Variants in TEAD1 observed in about 807,000 individuals in gnomAD.
The protein encoded by TEAD1 is transcriptional enhancer factor TEF-1.
In TEAD1, 9 loss-of-function variants were observed where a neutral mutation model predicts 54.9. That is an observed-to-expected ratio of 0.16 (90% CI 0.10 to 0.29). TEAD1 has a LOEUF of 0.29. TEAD1 is among the 10% of genes least tolerant of loss of function. The pLI is 1.00. For missense variants in TEAD1, 387 were observed against 535.9 expected (o/e 0.72, Z 2.74); for synonymous variants, 200 against 187.8 (o/e 1.07, Z -0.53).
intron 3 of TEAD1, among the ~76,000 whole-genome samples, chr11:12,857,445 C>T (rs1947411048): frequency 6.6e-6 from 1 of 152,128 alleles, no homozygotes; most frequent in Admixed American, 6.5e-5. Context: ...TGGTGTAAGG[C>T]AGAAAGGAAG....
chr11:12,886,265 TATG>T (rs1425610596), intron 9 of TEAD1, among the ~76,000 whole-genome samples: 1 of 152,200 alleles, frequency 6.6e-6, no homozygotes, highest in African/African-American at 2.4e-5. Flanking sequence ...TCAGGATACA[TATG>T]ATAATCTGAA....
At chr11:12,695,316 T>C (rs1943556870) in intron 2 of TEAD1, among the ~76,000 whole-genome samples, 4 of 152,234 alleles carry the variant, frequency 2.6e-5, no homozygotes, top group Non-Finnish European at 4.4e-5. Context: ...GTGAGTTTCT[T>C]TGGAAATCAC....
At chr11:12,803,647 C>T (rs1946109420) in intron 3 of TEAD1, among the ~76,000 whole-genome samples, 1 of 152,228 alleles carries the variant, frequency 6.6e-6, no homozygotes, top group African/African-American at 2.4e-5. Flanking sequence ...CTTTTTATCT[C>T]ACATCTGCAA....
chr11:12,873,855 A>T (rs1947803135), intron 5 of TEAD1, among the ~76,000 whole-genome samples: 1 of 152,248 alleles, frequency 6.6e-6, no homozygotes, highest in Non-Finnish European at 1.5e-5. Flanking sequence ...CTGCAAGATT[A>T]CTTCTTAGGA....
Position 12,762,431 on chromosome 11 carries a change from A to G in TEAD1, c.-54-1748A>G, listed in dbSNP as rs190920321. On this transcript the variant is annotated intron_variant, in intron 2 of 12. Transcript: ENST00000527636. ...TTCAAAAGGCCCACACCGCAGGCATAGTCAAGTTCATCTGGAGGTCAGTCA... is the reference window on the plus strand; with the variant it reads ...TTCAAAAGGCCCACACCGCAGGCATGGTCAAGTTCATCTGGAGGTCAGTCA... Among the ~76,000 whole-genome samples the G allele has an allele frequency of 3.1e-3, 465 of 152,346 alleles. 11 individuals are homozygous for G. Among genetic ancestry groups the G allele is most frequent in the Admixed American group, 0.029 (441 of 15,302 alleles).
intron 10 of TEAD1, among the ~76,000 whole-genome samples, chr11:12,911,956 C>CT (rs530440600): frequency 4.2e-4 from 61 of 143,770 alleles, no homozygotes; most frequent in Middle Eastern, 3.6e-3. Context: ...ATTTTCAAGG[C>CT]TTTTTTTTTT....
intron 2 of TEAD1, among the ~76,000 whole-genome samples, chr11:12,758,134 G>A (rs1945022054): frequency 6.6e-6 from 1 of 152,088 alleles, no homozygotes. Flanking sequence ...ACTGGCGCTA[G>A]GGACAGTGTA....
chr11:12,721,478 A>C (rs1277840312), intron 2 of TEAD1, among the ~76,000 whole-genome samples: 1 of 152,226 alleles, frequency 6.6e-6, no homozygotes, highest in Non-Finnish European at 1.5e-5. Flanking sequence ...TGGAGCTGAC[A>C]CTATAGTGGG....
chr11:12,815,215 A>G (rs1001137838), intron 3 of TEAD1, among the ~76,000 whole-genome samples: 1 of 152,124 alleles, frequency 6.6e-6, no homozygotes, highest in Non-Finnish European at 1.5e-5. Flanking sequence ...GGGCTGGAAG[A>G]CAGGCCTGCT....
chr11:12,895,491 G>A (rs1948296067), intron 9 of TEAD1, among the ~76,000 whole-genome samples: 1 of 152,144 alleles, frequency 6.6e-6, no homozygotes, highest in African/African-American at 2.4e-5. Flanking sequence ...CTGAGCGTTT[G>A]AGCTGTAGGA....
At chr11:12,684,271 C>G (rs1343495163) in intron 2 of TEAD1, among the ~76,000 whole-genome samples, 3 of 152,184 alleles carry the variant, frequency 2.0e-5, no homozygotes, top group Non-Finnish European at 4.4e-5. Context: ...GAGGTCATTC[C>G]TTACCCAGTA....
chr11:12,764,939 A>T (rs1274521564), intron 3 of TEAD1, among the ~76,000 whole-genome samples: 4 of 146,854 alleles, frequency 2.7e-5, no homozygotes, highest in East Asian at 2.2e-4. Context: ...TTTTTTTTTT[A>T]AAACAACTCT....
At chr11:12,769,649 A>G (rs576844450) in intron 3 of TEAD1, among the ~76,000 whole-genome samples, 181 of 152,254 alleles carry the variant, frequency 1.2e-3, no homozygotes, top group African/African-American at 4.0e-3. Flanking sequence ...GAGGGTCTCC[A>G]GGCCTTGGCA....
intron 2 of TEAD1, among the ~76,000 whole-genome samples, chr11:12,684,696 TCGGTAGG>T (rs2133815818): frequency 6.6e-6 from 1 of 152,312 alleles, no homozygotes; most frequent in South Asian, 2.1e-4. Flanking sequence ...AAGTGCTGGC[TCGGTAGG>T]CTAGAGCTGT....
In TEAD1 at chr11:12,808,477, T is replaced by C. The variant is rs149324116; in HGVS notation, c.202+44043T>C. Among the ~76,000 whole-genome samples, 74 of 152,274 alleles carry C rather than the reference T, an allele frequency of 4.9e-4. 2 individuals carry two copies. In the East Asian group the frequency reaches 0.012, roughly 25 times the overall value. ...GCCTTCCTCTTCGCTAAGCCTCAGT[T>C]TTTTTGTTTTTGTTTTTTTCCCTTG... On this transcript the variant is annotated intron_variant, in intron 3 of 12. Coordinates refer to ENST00000527636, the MANE Select transcript of TEAD1 (RefSeq NM_021961.6).
At chr11:12,820,127 A>G (rs536227812) in intron 3 of TEAD1, among the ~76,000 whole-genome samples, 2 of 152,322 alleles carry the variant, frequency 1.3e-5, no homozygotes, top group Non-Finnish European at 2.9e-5. Flanking sequence ...CCTCTCCATC[A>G]GTGCAGAGCC....
chr11:12,884,431 A>G (rs1437005031), intron 9 of TEAD1, among the ~76,000 whole-genome samples: 1 of 152,120 alleles, frequency 6.6e-6, no homozygotes, highest in Non-Finnish European at 1.5e-5. Context: ...CATTTCTATT[A>G]TCGGGAGACA....
chr11:12,813,582 T>G (rs115362475), intron 3 of TEAD1, among the ~76,000 whole-genome samples: 10 of 152,220 alleles, frequency 6.6e-5, no homozygotes, highest in Non-Finnish European at 1.3e-4. Flanking sequence ...TCTGGAAATA[T>G]GAGGAGCCCA....
chr11:12,811,265 G>A (rs555360507), intron 3 of TEAD1, among the ~76,000 whole-genome samples: 7 of 152,158 alleles, frequency 4.6e-5, no homozygotes, highest in Non-Finnish European at 1.0e-4. Flanking sequence ...GTGAGGACAT[G>A]AGTTCTATAT....
Sources: allele counts gnomAD v4.1 joint callset (sites outside exome capture counted in the v4.1 genomes callset), GRCh38; gene constraint gnomAD v4.1.1; transcripts MANE v1.5; gene names NCBI Gene and HGNC (gene_info 2026-07-23, HGNC 2026-07-21).